Variants in FBXL20 observed in about 807,000 individuals in gnomAD.
FBXL20 encodes F-box and leucine rich repeat protein 20.
In FBXL20, 11 loss-of-function variants were observed where a neutral mutation model predicts 64.0. That is an observed-to-expected ratio of 0.17 (90% CI 0.11 to 0.28). The LOEUF is 0.28. Ranked by LOEUF, FBXL20 falls within the 10% of genes least tolerant of loss-of-function variation. The probability of loss-of-function intolerance (pLI) is 1.00; values close to 1 mark genes in which losing one functional copy is unlikely to be tolerated. For missense variants in FBXL20, 303 were observed against 526.2 expected, an observed-to-expected ratio of 0.58 and a Z score of 4.15; for synonymous variants, 184 against 189.0, an observed-to-expected ratio of 0.97 and a Z score of 0.22.
intron 1 of FBXL20, among the ~76,000 whole-genome samples, chr17:39,369,316 GGT>G (rs1219949844): frequency 9.1e-5 from 13 of 142,776 alleles, no homozygotes; most frequent in Admixed American, 1.5e-4. Flanking sequence ...GGAGTGCAGT[GGT>G]GTGATCTTGG....
At chr17:39,392,433 G>C (rs1185983078) in intron 1 of FBXL20, among the ~76,000 whole-genome samples, 25 of 110,114 alleles carry the variant, frequency 2.3e-4, no homozygotes, top group Non-Finnish European at 3.5e-4. Context: ...GAGTGAGATT[G>C]TCTCCAAAAA....
chr17:39,263,660 C>A (rs1362852658), intron 14 of FBXL20, among the ~76,000 whole-genome samples: 1 of 152,186 alleles, frequency 6.6e-6, no homozygotes, highest in East Asian at 1.9e-4. Flanking sequence ...CCACTGCACT[C>A]CTGCCTGGGC....
intron 1 of FBXL20, among the ~76,000 whole-genome samples, chr17:39,351,141 C>G (rs1019700636): frequency 1.3e-5 from 2 of 151,970 alleles, no homozygotes; most frequent in East Asian, 3.8e-4. Context: ...TCGAGATCAG[C>G]CTGGCTAACA....
At chr17:39,317,002 T>A (rs1353335034) in intron 2 of FBXL20, among the ~76,000 whole-genome samples, 1 of 152,044 alleles carries the variant, frequency 6.6e-6, no homozygotes, top group African/African-American at 2.4e-5. Context: ...TAAAAGAAAA[T>A]GAAGACAAGA....
At chr17:39,330,940 A>ATTTT (rs2047454367) in intron 2 of FBXL20, among the ~76,000 whole-genome samples, 1 of 152,228 alleles carries the variant, frequency 6.6e-6, no homozygotes, top group Admixed American at 6.5e-5. Flanking sequence ...AGCCTTTAAA[A>ATTTT]ATAAAATCCT....
At chr17:39,322,124 G>A (rs564220692) in intron 2 of FBXL20, among the ~76,000 whole-genome samples, 3 of 129,562 alleles carry the variant, frequency 2.3e-5, no homozygotes, top group South Asian at 2.4e-4. Flanking sequence ...GTAGAAGTTC[G>A]TGATCAGCCT....
chr17:39,337,867 A>C (rs1227818404), intron 2 of FBXL20, among the ~76,000 whole-genome samples: 1 of 144,968 alleles, frequency 6.9e-6, no homozygotes, highest in Non-Finnish European at 1.5e-5. Context: ...AGGAGGGAGG[A>C]GGGGGTCAGG....
chr17:39,317,680 TTTTTTTTTGTTTTTTTTTTTG>T (rs2047307651), intron 2 of FBXL20, among the ~76,000 whole-genome samples: 1 of 64,830 alleles, frequency 1.5e-5, no homozygotes, highest in African/African-American at 1.4e-4. Context: ...TGACTTTGTT[TTTTTTTTTGTTTTTTTTTTTG>T]TTTTTTTTTT....
chr17:39,271,608 A>AG (rs1330221832), intron 10 of FBXL20, among the ~76,000 whole-genome samples: 1 of 150,070 alleles, frequency 6.7e-6, no homozygotes, highest in East Asian at 1.9e-4. Flanking sequence ...AAAAAAAAAA[A>AG]AAAAAAAAAA....
intron 1 of FBXL20, among the ~76,000 whole-genome samples, chr17:39,367,166 A>G (rs1383726395): frequency 1.3e-5 from 2 of 152,006 alleles, no homozygotes; most frequent in Non-Finnish European, 2.9e-5. Flanking sequence ...TGTAGGCATA[A>G]GCCACCGCGC....
intron 2 of FBXL20, among the ~76,000 whole-genome samples, chr17:39,317,660 T>C (rs866524564): frequency 1.5e-4 from 21 of 143,346 alleles, no homozygotes; most frequent in Middle Eastern, 6.6e-3. Context: ...ATTTAATACA[T>C]AGGAGAGTTT....
chr17:39,281,296 C>T (rs2046948313), intron 9 of FBXL20, 93 bp downstream of exon 9: 2 of 1,122,406 alleles, frequency 1.8e-6, no homozygotes, highest in Non-Finnish European at 2.6e-6. Flanking sequence ...AAAAACAATA[C>T]TGGTCTTGAT....
At chr17:39,319,434 C>T (rs1292105270) in intron 2 of FBXL20, among the ~76,000 whole-genome samples, 1 of 152,034 alleles carries the variant, frequency 6.6e-6, no homozygotes, top group Non-Finnish European at 1.5e-5. Context: ...CGCCTGTAAT[C>T]CCAACACTTT....
intron 1 of FBXL20, among the ~76,000 whole-genome samples, chr17:39,360,718 T>G (rs1314823587): frequency 6.6e-6 from 1 of 152,192 alleles, no homozygotes; most frequent in African/African-American, 2.4e-5. Context: ...TCCCGAACGC[T>G]GGCCTTGCTG....
intron 2 of FBXL20, among the ~76,000 whole-genome samples, chr17:39,318,866 T>C (rs965657416): frequency 1.3e-5 from 2 of 152,182 alleles, no homozygotes; most frequent in Admixed American, 6.6e-5. Flanking sequence ...CATAGCAAAA[T>C]GTAAGCGGAA....
At chr17:39,329,247 T>A (rs574028128) in intron 2 of FBXL20, among the ~76,000 whole-genome samples, 1 of 152,182 alleles carries the variant, frequency 6.6e-6, no homozygotes, top group South Asian at 2.1e-4. Flanking sequence ...GGATACTACT[T>A]CTATGATATT....
Position 39,401,373 on chromosome 17 carries a change from C to G in FBXL20, c.30G>C (p.Lys10Asn), listed in dbSNP as rs2048241879. The G allele has an allele frequency of 1.2e-6, 2 of 1,612,708 alleles. No homozygotes were observed. The highest frequency in any genetic ancestry group is 1.7e-5 in the Admixed American group (1 of 59,946). MRRDVNGVT[K>N]SRFEMFSNSD... ...CCCAAGCTCACACCTCAAACCTGCT[C>G]TTGGTCACTCCGTTCACGTCCCTCC... Residue 10 changes from lysine to asparagine, a missense_variant, in exon 1 of 15, where the codon AAG becomes AAC. Lys to Asn is a moderately conservative substitution (Grantham distance 94). Around this residue, in one of 3 missense-constraint regions of FBXL20, gnomAD observed 246 missense variants for 422.6 expected, o/e 0.58. Transcript: ENST00000264658.
Position 39,270,861 on chromosome 17 carries a change from TAAAAA to T in FBXL20, c.828-10_828-6del. On this transcript the variant is annotated splice_polypyrimidine_tract_variant and splice_region_variant and intron_variant, in intron 10 of 14. Transcript: ENST00000264658. ...CATCTTGCCACTTCCAATATTCTGT[TAAAAA>T]AAAAAAAAAAACAGTGAAAGTCAAG... The T allele has an allele frequency of 3.7e-6, 5 of 1,355,232 alleles. No individual in the cohort carries two copies. The highest frequency in any genetic ancestry group is 1.4e-5 in the South Asian group (1 of 71,044). The allele number at this position is 1,355,232 out of a possible 1,614,324, so 84.0% of individuals were successfully genotyped here. A position where few individuals can be genotyped will look rare whatever the true frequency, so the allele number is the denominator to read the frequency against.
intron 2 of FBXL20, among the ~76,000 whole-genome samples, chr17:39,331,635 CT>C (rs1035821772): frequency 6.6e-6 from 1 of 152,186 alleles, no homozygotes; most frequent in African/African-American, 2.4e-5. Context: ...TTATTTCTAT[CT>C]TCAGCATAAT....
Sources: allele counts gnomAD v4.1 joint callset (sites outside exome capture counted in the v4.1 genomes callset), GRCh38; gene constraint gnomAD v4.1.1; regional missense constraint gnomAD v4.1.1; transcripts MANE v1.5; gene names NCBI Gene and HGNC (gene_info 2026-07-23, HGNC 2026-07-21).